The following GRM5 variants were observed in gnomAD, a reference collection of about 807,000 sequenced individuals.
GRM5 encodes the protein glutamate metabotropic receptor 5.
Under a neutral mutation model 83.1 loss-of-function variants are expected in GRM5, and 19 were observed. The observed-to-expected ratio is 0.23, with a 90% CI of 0.16 to 0.34. The LOEUF (loss-of-function observed/expected upper bound fraction) is 0.34, where lower values mean the gene tolerates loss of function less well. Ranked by LOEUF, GRM5 falls within the 10% of genes least tolerant of loss-of-function variation. The probability of loss-of-function intolerance (pLI) is 1.00; values close to 1 mark genes in which losing one functional copy is unlikely to be tolerated. For synonymous variants in GRM5, 675 were observed against 633.6 expected (o/e 1.07, Z -0.98); for missense variants, 1,160 against 1,588.3 (o/e 0.73, Z 4.58).
chr11:88,848,766 A>T (rs1167791080), intron 3 of GRM5, among the ~76,000 whole-genome samples: 1 of 152,214 alleles, frequency 6.6e-6, no homozygotes, highest in Admixed American at 6.5e-5. Context: ...ACATTTTAAC[A>T]GACATTAATC....
At chr11:88,929,483 C>A (rs1937637431) in intron 2 of GRM5, among the ~76,000 whole-genome samples, 1 of 151,952 alleles carries the variant, frequency 6.6e-6, no homozygotes, top group Non-Finnish European at 1.5e-5. Context: ...AAGATAAAAA[C>A]TCTAAGGCAA....
intron 2 of GRM5, among the ~76,000 whole-genome samples, chr11:88,921,623 C>T (rs1254425535): frequency 2.1e-5 from 2 of 97,416 alleles, no homozygotes; most frequent in South Asian, 9.6e-4. Context: ...GAGTGAGACT[C>T]CATTTAAAAA....
At chr11:88,745,148 G>T (rs1348237691) in intron 3 of GRM5, among the ~76,000 whole-genome samples, 1 of 150,154 alleles carries the variant, frequency 6.7e-6, no homozygotes, top group Non-Finnish European at 1.5e-5. Context: ...CAAAGCTTTT[G>T]CTTTTTCTCT....
chr11:88,912,051 C>G (rs1040859273), intron 2 of GRM5: 2 of 468,318 alleles, frequency 4.3e-6, no homozygotes, highest in African/African-American at 2.0e-5. Flanking sequence ...TTGTACAATA[C>G]TGTAAGTATT....
chr11:88,651,438 C>T (rs1454654992), intron 4 of GRM5, among the ~76,000 whole-genome samples: 5 of 151,972 alleles, frequency 3.3e-5, no homozygotes, highest in African/African-American at 1.2e-4. Flanking sequence ...TTCAATGAAG[C>T]TACACATAGT....
intron 2 of GRM5, among the ~76,000 whole-genome samples, chr11:88,907,600 T>C (rs889294125): frequency 4.6e-5 from 7 of 152,206 alleles, no homozygotes; most frequent in African/African-American, 9.6e-5. Flanking sequence ...TAGAAATTAT[T>C]ATAATTACAT....
intron 7 of GRM5, among the ~76,000 whole-genome samples, chr11:88,569,801 C>T (rs1265243182): frequency 6.6e-6 from 1 of 152,156 alleles, no homozygotes; most frequent in African/African-American, 2.4e-5. Flanking sequence ...TATTTATTTT[C>T]TTGATATATG....
In GRM5 at chr11:88,955,031, A is replaced by T. The variant is rs2135684228; in HGVS notation, c.661+92181T>A. 2.0e-5 allele frequency among the ~76,000 whole-genome samples: 3 copies of T among 152,340 alleles called. No homozygotes were observed. The South Asian group carries it at 6.2e-4, about 32-fold the overall frequency. On this transcript the variant is annotated intron_variant, in intron 2 of 9. Transcript: ENST00000305447. The stretch of plus-strand genomic sequence containing the variant: ...GAAAAATGATATGGACAATTTCTAT[A>T]ATGATTTATGGCCTGTCCAACGCTT...
intron 4 of GRM5, among the ~76,000 whole-genome samples, chr11:88,628,741 G>C (rs1344411081): frequency 6.6e-6 from 1 of 152,150 alleles, no homozygotes; most frequent in African/African-American, 2.4e-5. Context: ...TATGACAACA[G>C]ACTCAAATAA....
At chr11:88,555,675 G>T (rs991143629) in intron 8 of GRM5, among the ~76,000 whole-genome samples, 3 of 152,144 alleles carry the variant, frequency 2.0e-5, no homozygotes, top group Non-Finnish European at 4.4e-5. Flanking sequence ...TCTTTATCCA[G>T]AATGTGCTGT....
In GRM5 at chr11:89,047,138, A is replaced by C. The variant is rs1246480486; in HGVS notation, c.661+74T>G. ...TATCCAAAATAATTAGGAATAGTTT[A>C]CTCTTCCCAAACCTGAAATTGTAAC... On this transcript the variant is annotated intron_variant, in intron 2 of 9. Coordinates refer to ENST00000305447, the MANE Select transcript of GRM5 (RefSeq NM_001143831.3). This position sits in a 1 kb window ranked among gnomAD's most constrained non-coding sequence, Gnocchi z 5.1. 3.5e-6 allele frequency: 4 copies of C among 1,154,530 alleles called. No homozygotes were observed. The highest frequency in any genetic ancestry group is 5.0e-6 in the Non-Finnish European group (4 of 800,166). The allele number at this position is 1,154,530 out of a possible 1,614,324, so 71.5% of individuals were successfully genotyped here. A position where few individuals can be genotyped will look rare whatever the true frequency, so the allele number is the denominator to read the frequency against.
chr11:88,579,106 A>C (rs917528010), intron 7 of GRM5, among the ~76,000 whole-genome samples: 2 of 152,128 alleles, frequency 1.3e-5, no homozygotes, highest in African/African-American at 4.8e-5. Flanking sequence ...CCTTTTTTAA[A>C]GTTTATTTTT....
rs531004748 is a variant in GRM5 at position 88,577,448 on chromosome 11, C to T, written c.1691-9456G>A. ...TTCACACAGCACAGCTACAGCATTT[C>T]ACTCTTGAGCACCTACACCATTCAT... On this transcript the variant is annotated intron_variant, in intron 7 of 9. Coordinates refer to ENST00000305447, the MANE Select transcript of GRM5 (RefSeq NM_001143831.3). 7.9e-5 allele frequency among the ~76,000 whole-genome samples: 12 copies of T among 152,212 alleles called. No homozygotes were observed. In the East Asian group the frequency reaches 1.7e-3, roughly 22 times the overall value.
intron 2 of GRM5, among the ~76,000 whole-genome samples, chr11:88,868,617 C>T (rs754590905): frequency 6.6e-5 from 10 of 151,904 alleles, no homozygotes; most frequent in Non-Finnish European, 1.0e-4. Flanking sequence ...ATACCTATGG[C>T]TCCTAACTTA....
chr11:88,980,863 C>A (rs1280475412), intron 2 of GRM5, among the ~76,000 whole-genome samples: 1 of 151,894 alleles, frequency 6.6e-6, no homozygotes, highest in Admixed American at 6.6e-5. Context: ...TATAACCTGA[C>A]CTGTAGTAGT....
At chr11:88,894,157 C>T (rs569031483) in intron 2 of GRM5, among the ~76,000 whole-genome samples, 1 of 151,968 alleles carries the variant, frequency 6.6e-6, no homozygotes, top group South Asian at 2.1e-4. Flanking sequence ...ACTGGACAGC[C>T]CATTTGCATA....
At chr11:88,983,427 A>C (rs1278018092) in intron 2 of GRM5, among the ~76,000 whole-genome samples, 1 of 152,230 alleles carries the variant, frequency 6.6e-6, no homozygotes, top group East Asian at 1.9e-4. Context: ...AGGTGATCCC[A>C]TAAGATTATA....
intron 2 of GRM5, among the ~76,000 whole-genome samples, chr11:88,900,955 C>G (rs1945304828): frequency 6.6e-6 from 1 of 152,118 alleles, no homozygotes; most frequent in Non-Finnish European, 1.5e-5. Context: ...CAACTTCGAT[C>G]CCATATTTGA....
intron 3 of GRM5, among the ~76,000 whole-genome samples, chr11:88,678,428 A>C (rs542713576): frequency 6.6e-6 from 1 of 152,158 alleles, no homozygotes; most frequent in Admixed American, 6.6e-5. Context: ...GGACCACACC[A>C]TCTACATAAT....
Sources: allele counts gnomAD v4.1 joint callset (sites outside exome capture counted in the v4.1 genomes callset), GRCh38; gene constraint gnomAD v4.1.1; non-coding constraint Gnocchi (gnomAD v3.1); transcripts MANE v1.5; gene names NCBI Gene and HGNC (gene_info 2026-07-23, HGNC 2026-07-21).